USP9X: variants seen among roughly 807,000 people sequenced by gnomAD.
USP9X encodes ubiquitin carboxyl-terminal hydrolase 9X.
USP9X carries 7 observed loss-of-function variants against 190.3 expected under a neutral mutation model. That is an observed-to-expected ratio of 0.04 (90% CI 0.02 to 0.07). USP9X has a LOEUF of 0.07. Among genes scored for constraint, USP9X ranks in the 10% least tolerant of loss-of-function variants. The pLI, the probability that USP9X is intolerant of heterozygous loss-of-function variation, is 1.00. For missense variants in USP9X, 1,010 were observed against 1,916.9 expected (o/e 0.53, Z 8.83); for synonymous variants, 645 against 659.5 (o/e 0.98, Z 0.34).
At chrX:41,161,328 C>CTTTT (rs2062627927) in intron 14 of USP9X, among the ~76,000 whole-genome samples, 3 of 58,150 alleles carry the variant, frequency 5.2e-5, no homozygotes, top group Non-Finnish European at 8.8e-5. Flanking sequence ...AGAATTCTTG[C>CTTTT]CTTTTTTTTT....
chrX:41,188,149 A>G, intron 25 of USP9X, 32 bp downstream of exon 25: 1 of 1,156,559 alleles, frequency 8.6e-7, no homozygotes, highest in Non-Finnish European at 1.2e-6. Context: ...TATTCCTTGT[A>G]AACAAATGTT....
At chrX:41,147,333 C>T (rs2062475579) in intron 11 of USP9X, among the ~76,000 whole-genome samples, 1 of 109,939 alleles carries the variant, frequency 9.1e-6, no homozygotes, top group African/African-American at 3.3e-5. Context: ...TTGTCATATT[C>T]CTTTTGTTAT....
rs1276708800 is a variant in USP9X, at chrX:41,235,545, T to A, written c.*3021T>A. 8.8e-6 allele frequency: 1 copy of A among 113,142 alleles called. No individual in the cohort carries two copies. Among genetic ancestry groups the A allele is most frequent in the African/African-American group, 3.2e-5 (1 of 31,113 alleles). 9.3% of individuals were successfully genotyped at this position (113,142 alleles called of 1,213,427 possible). ...AATGTGTTACCATAAAGACTGAAGA[T>A]ATTTTAGTTGTAAAACCATGTGAAC... On this transcript the variant is annotated 3_prime_UTR_variant, in exon 45 of 45. Transcript: ENST00000378308.
At chrX:41,174,877 C>T (rs1472197206) in intron 21 of USP9X, among the ~76,000 whole-genome samples, 1 of 111,498 alleles carries the variant, frequency 9.0e-6, no homozygotes, top group Non-Finnish European at 1.9e-5. Context: ...CACCTGTAAT[C>T]CCAGCTACTT....
intron 44 of USP9X, among the ~76,000 whole-genome samples, chrX:41,230,892 A>G (rs2063354250): frequency 9.0e-6 from 1 of 111,489 alleles, no homozygotes; most frequent in African/African-American, 3.3e-5. Context: ...AGTGCAAAGG[A>G]TTGTGGTGAC....
intron 2 of USP9X, among the ~76,000 whole-genome samples, chrX:41,126,013 G>T: frequency 9.0e-6 from 1 of 111,260 alleles, no homozygotes; most frequent in East Asian, 2.8e-4. Context: ...GTAGAGTCAG[G>T]TAAGTTTTTA....
rs751891645 is a variant in USP9X at position 41,205,511 on chromosome X, A to G, written c.5015+18A>G. 5 of 1,166,078 alleles carry G rather than the reference A, an allele frequency of 4.3e-6. No homozygotes were observed. The African/African-American group carries it at 5.4e-5, about 12-fold the overall frequency. Reference sequence around the variant, plus strand: ...CAGTTCAGGTAAACTATGGATGGACAGTAATAGAGATACTTCTTAAAATGA... The same window carrying G: ...CAGTTCAGGTAAACTATGGATGGACGGTAATAGAGATACTTCTTAAAATGA... On this transcript the variant is annotated intron_variant, in intron 32 of 44. Transcript: ENST00000378308.
chrX:41,215,861 T>C (rs2063207744), intron 34 of USP9X, 38 bp from the exon 35 acceptor site: 14 of 1,157,115 alleles, frequency 1.2e-5, no homozygotes, highest in Non-Finnish European at 1.5e-5. Context: ...CTGTGGATTT[T>C]AATAGAACAT....
chrX:41,134,497 T>C (rs554149998), intron 4 of USP9X, among the ~76,000 whole-genome samples: 12 of 112,692 alleles, frequency 1.1e-4, no homozygotes, highest in African/African-American at 3.2e-4. Context: ...AATTTGCCTC[T>C]TCTTGTGGTG....
chrX:41,104,549 A>G (rs2062055678), intron 1 of USP9X, among the ~76,000 whole-genome samples: 1 of 111,822 alleles, frequency 8.9e-6, no homozygotes, highest in Admixed American at 9.5e-5. Flanking sequence ...AAATTCTGAT[A>G]ATTTATAGTT....
At chrX:41,086,287 G>A (rs2061910373) in intron 1 of USP9X, among the ~76,000 whole-genome samples, 178 bp downstream of exon 1, 1 of 112,555 alleles carries the variant, frequency 8.9e-6, no homozygotes, top group African/African-American at 3.2e-5. Context: ...GGGCGCGCGG[G>A]CCCGTGTTGT....
chrX:41,113,139 A>T (rs942078401), intron 1 of USP9X, among the ~76,000 whole-genome samples: 4 of 112,703 alleles, frequency 3.5e-5, no homozygotes, highest in African/African-American at 1.3e-4. Context: ...AATCTGTCAT[A>T]GCAACAGCAT....
At chrX:41,195,669 T>C (rs758193211) in intron 26 of USP9X, among the ~76,000 whole-genome samples, 21 of 111,587 alleles carry the variant, frequency 1.9e-4, no homozygotes, top group Non-Finnish European at 3.8e-5. Flanking sequence ...TAGATTCTCA[T>C]AAGGGGCACA....
chrX:41,227,959 C>A (rs1374925154), intron 41 of USP9X, among the ~76,000 whole-genome samples: 1 of 112,120 alleles, frequency 8.9e-6, no homozygotes, highest in African/African-American at 3.2e-5. Flanking sequence ...CTCGGCCTCC[C>A]GAAGTGCTGG....
chrX:41,131,568 G>T, intron 4 of USP9X, 32 bp downstream of exon 4: 1 of 1,133,282 alleles, frequency 8.8e-7, no homozygotes, highest in African/African-American at 1.8e-5. Context: ...TTCCTATAAT[G>T]TATGCTACTA....
intron 9 of USP9X, among the ~76,000 whole-genome samples, chrX:41,141,666 G>A (rs142628133): frequency 1.3e-3 from 149 of 111,522 alleles, no homozygotes; most frequent in African/African-American, 4.8e-3. Flanking sequence ...AGTGATGAAT[G>A]TGGCGTTTTG....
At position 41,234,941 on chromosome X, in the gene USP9X, G is replaced by T. The variant is rs190964950; in HGVS notation, c.*2417G>T. On this transcript the variant is annotated 3_prime_UTR_variant, in exon 45 of 45. Coordinates refer to ENST00000378308, the MANE Select transcript of USP9X (RefSeq NM_001039591.3). The stretch of plus-strand genomic sequence containing the variant: ...TGAAATAGGTTAACTTTATTTGGAT[G>T]AGTTAGGTGTACCATCTCACCATCT... 8.9e-6 allele frequency: 1 copy of T among 112,281 alleles called. No homozygotes were observed. The highest frequency in any genetic ancestry group is 1.9e-5 in the Non-Finnish European group (1 of 53,167). The allele number at this position is 112,281 out of a possible 1,213,427, so 9.3% of individuals were successfully genotyped here.
chrX:41,226,042 C>CT (rs770045083), intron 41 of USP9X, among the ~76,000 whole-genome samples: 1 of 112,519 alleles, frequency 8.9e-6, no homozygotes, highest in South Asian at 3.6e-4. Flanking sequence ...TGTTGGACAA[C>CT]TTGATATTTT....
chrX:41,174,645 C>A (rs1321503376), intron 21 of USP9X, among the ~76,000 whole-genome samples: 1 of 111,962 alleles, frequency 8.9e-6, no homozygotes, highest in Admixed American at 9.4e-5. Context: ...ACGATGATCA[C>A]TGTGATCACT....
Sources: allele counts gnomAD v4.1 joint callset (sites outside exome capture counted in the v4.1 genomes callset), GRCh38; gene constraint gnomAD v4.1.1; transcripts MANE v1.5; gene names NCBI Gene and HGNC (gene_info 2026-07-23, HGNC 2026-07-21).